RPS6KC1: variants seen among roughly 807,000 people sequenced by gnomAD.
RPS6KC1 encodes the protein ribosomal protein S6 kinase C1.
In RPS6KC1, 54 loss-of-function variants were observed where a neutral mutation model predicts 103.8. That is an observed-to-expected ratio of 0.52 (90% CI 0.42 to 0.65). RPS6KC1 has a LOEUF of 0.65. Ranked by LOEUF, RPS6KC1 falls within the 30% of genes least tolerant of loss-of-function variation. The pLI is 0.00. For missense variants in RPS6KC1, 1,151 were observed against 1,253.8 expected (o/e 0.92, Z 1.24); for synonymous variants, 439 against 438.7 (o/e 1.00, Z -0.01).
chr1:213,319,710 A>G, the RPS6KC1 span, among the ~76,000 whole-genome samples: 1,935 of 141,344 alleles, frequency 0.014, 74 homozygotes, highest in East Asian at 0.1. Context: ...GGGTGGAACT[A>G]TGGAACTTTG....
At chr1:213,404,077 G>A in the RPS6KC1 span, among the ~76,000 whole-genome samples, 479 of 152,318 alleles carry the variant, frequency 3.1e-3, 2 homozygotes, top group African/African-American at 0.011. Context: ...CGGGGGCTGG[G>A]ATGATCTCAG....
chr1:213,737,236 T>G, the RPS6KC1 span, among the ~76,000 whole-genome samples: 1 of 152,216 alleles, frequency 6.6e-6, no homozygotes, highest in Admixed American at 6.5e-5. Context: ...GAGTTGAGCA[T>G]TTCTTGGCCA....
chr1:213,627,217 G>A, the RPS6KC1 span, among the ~76,000 whole-genome samples: 3 of 151,518 alleles, frequency 2.0e-5, no homozygotes, highest in Admixed American at 6.6e-5. Flanking sequence ...TCATGATTTC[G>A]CTCTCTGTCT....
At chr1:213,807,362 T>C in the RPS6KC1 span, among the ~76,000 whole-genome samples, 1 of 152,240 alleles carries the variant, frequency 6.6e-6, no homozygotes, top group Non-Finnish European at 1.5e-5. Context: ...CTGGATAATA[T>C]CCTGCAGAGT....
At chr1:213,680,421 C>G in the RPS6KC1 span, among the ~76,000 whole-genome samples, 1 of 152,172 alleles carries the variant, frequency 6.6e-6, no homozygotes, top group Admixed American at 6.5e-5. Context: ...CTGCCAAATC[C>G]ATCACCCATG....
intron 6 of RPS6KC1, among the ~76,000 whole-genome samples, chr1:213,165,274 G>T (rs371976935): frequency 2.6e-5 from 4 of 151,706 alleles, no homozygotes; most frequent in Admixed American, 1.3e-4. Flanking sequence ...TCTGTTGCCC[G>T]GGCTGGAGTG....
chr1:213,296,863 GT>G, the RPS6KC1 span, among the ~76,000 whole-genome samples: 1 of 152,078 alleles, frequency 6.6e-6, no homozygotes, highest in East Asian at 1.9e-4. Context: ...TTCTTTTAGA[GT>G]TTTTTTTAAA....
chr1:213,712,905 T>C, the RPS6KC1 span, among the ~76,000 whole-genome samples: 2 of 152,178 alleles, frequency 1.3e-5, no homozygotes, highest in Non-Finnish European at 2.9e-5. Flanking sequence ...AGAAATCACC[T>C]GCCTTCTGCA....
chr1:213,119,331 CAGCTACTTGGGAGGCTGAGGCATGAGA>C (rs2084070782), intron 5 of RPS6KC1, among the ~76,000 whole-genome samples: 2 of 149,904 alleles, frequency 1.3e-5, no homozygotes, highest in Non-Finnish European at 3.0e-5. Flanking sequence ...CCTGTAATCC[CAGCTACTTGGGAGGCTGAGGCATGAGA>C]ATTGCCTGAA....
the RPS6KC1 span, among the ~76,000 whole-genome samples, chr1:213,368,765 G>A: frequency 1.9e-3 from 284 of 152,342 alleles, no homozygotes; most frequent in Admixed American, 4.6e-3. Context: ...GAGCTGGCCA[G>A]TCTGCGGACA....
At chr1:213,611,914 A>G in the RPS6KC1 span, among the ~76,000 whole-genome samples, 17 of 152,198 alleles carry the variant, frequency 1.1e-4, no homozygotes, top group Admixed American at 9.2e-4. Context: ...TTCCTGGAGA[A>G]ACCTCAGCAA....
chr1:213,468,539 G>A, the RPS6KC1 span, among the ~76,000 whole-genome samples: 1 of 152,132 alleles, frequency 6.6e-6, no homozygotes, highest in Non-Finnish European at 1.5e-5. Flanking sequence ...GTTTCTATAG[G>A]TTTCCTGAAA....
chr1:213,557,088 T>C, the RPS6KC1 span, among the ~76,000 whole-genome samples: 1 of 152,164 alleles, frequency 6.6e-6, no homozygotes, highest in Non-Finnish European at 1.5e-5. Flanking sequence ...AGATCAGCAC[T>C]GTCTTAGACC....
the RPS6KC1 span, among the ~76,000 whole-genome samples, chr1:213,646,897 A>ATATTTT: frequency 2.0e-5 from 3 of 150,436 alleles, no homozygotes; most frequent in African/African-American, 4.9e-5. Context: ...ATATATATAT[A>ATATTTT]TTTTTGTTTG....
In RPS6KC1 at chr1:213,168,550, A is replaced by AT. The variant is rs112010653; in HGVS notation, c.951+585dup. On this transcript the variant is annotated intron_variant, in intron 7 of 14. Transcript: ENST00000366960. ...AATTTCTGGAGGAAACTTTTCTGTT[A>AT]TTTTTTTTCTTTATATCAAATGCAA... is the stretch of plus-strand genomic sequence containing the variant. Among the ~76,000 whole-genome samples the AT allele has an allele frequency of 9.9e-5, 15 of 151,454 alleles. No homozygotes were observed. The East Asian group carries it at 2.7e-3, about 27-fold the overall frequency.
At chr1:213,135,865 A>G (rs895099994) in intron 6 of RPS6KC1, among the ~76,000 whole-genome samples, 5 of 152,316 alleles carry the variant, frequency 3.3e-5, no homozygotes, top group African/African-American at 9.6e-5. Context: ...TCTGTTCTCA[A>G]TATTCACAAA....
At chr1:213,732,354 C>CGTGCGTGT in the RPS6KC1 span, among the ~76,000 whole-genome samples, 4 of 150,202 alleles carry the variant, frequency 2.7e-5, no homozygotes, top group East Asian at 5.9e-4. Flanking sequence ...TATGAGTGTG[C>CGTGCGTGT]GTGTGCGTGT....
the RPS6KC1 span, among the ~76,000 whole-genome samples, chr1:213,356,022 A>C: frequency 6.6e-6 from 1 of 152,236 alleles, no homozygotes; most frequent in Admixed American, 6.5e-5. Context: ...GTGCCTGCTC[A>C]TGGAAAATAT....
the RPS6KC1 span, among the ~76,000 whole-genome samples, chr1:213,525,583 C>A: frequency 6.6e-6 from 1 of 151,982 alleles, no homozygotes; most frequent in African/African-American, 2.4e-5. Flanking sequence ...CCCAAGGTAG[C>A]CTTCAGACTC....
Sources: allele counts gnomAD v4.1 joint callset (sites outside exome capture counted in the v4.1 genomes callset), GRCh38; gene constraint gnomAD v4.1.1; transcripts MANE v1.5; gene names NCBI Gene and HGNC (gene_info 2026-07-23, HGNC 2026-07-21).